MYH9: variants seen among roughly 807,000 people sequenced by gnomAD.
MYH9 encodes the protein myosin-9.
Under a neutral mutation model 241.9 loss-of-function variants are expected in MYH9, and 29 were observed. The observed-to-expected ratio is 0.12, with a 90% CI of 0.09 to 0.16. The LOEUF (loss-of-function observed/expected upper bound fraction) is 0.16. MYH9 is among the 10% of genes least tolerant of loss of function. MYH9 has a pLI of 1.00. For synonymous variants in MYH9, 1,047 were observed against 1,062.6 expected (o/e 0.99, Z 0.29); for missense variants, 1,803 against 2,595.5 (o/e 0.69, Z 6.63).
intron 12 of MYH9, among the ~76,000 whole-genome samples, chr22:36,314,598 T>C (rs1226290372): frequency 3.9e-5 from 6 of 152,216 alleles, no homozygotes; most frequent in African/African-American, 1.4e-4. Context: ...AGTAGTTATT[T>C]TGAAATATAA....
Position 36,293,634 on chromosome 22 carries a change from C to CA in MYH9, c.3942+124dup, listed in dbSNP as rs1378382229. On this transcript the variant is annotated intron_variant, in intron 29 of 40. Coordinates refer to ENST00000216181, the MANE Select transcript of MYH9 (RefSeq NM_002473.6). The surrounding 1 kb of genome is among the most constrained non-coding windows in gnomAD (Gnocchi z 5.1). Reference sequence around the variant, plus strand: ...AGGGAGCTGGGAGGACGCAGAGACCCACCCACAGGATGAAGCAGATGAAGG... The same window carrying CA: ...AGGGAGCTGGGAGGACGCAGAGACCCAACCCACAGGATGAAGCAGATGAAGG... 2.1e-5 allele frequency: 28 copies of CA among 1,337,406 alleles called. No homozygotes were observed. The East Asian group carries it at 6.5e-4, about 31-fold the overall frequency. The allele number at this position is 1,337,406 out of a possible 1,614,324, so 82.8% of individuals were successfully genotyped here.
intron 1 of MYH9, among the ~76,000 whole-genome samples, chr22:36,380,894 C>T (rs946921693): frequency 1.3e-5 from 2 of 152,150 alleles, no homozygotes; most frequent in Non-Finnish European, 1.5e-5. Context: ...TATCCCAAAA[C>T]GCTTTCCAGA....
chr22:36,300,800 C>A lies in MYH9; in HGVS notation c.2838+51G>T. The stretch of plus-strand genomic sequence containing the variant: ...CAGCTCCTGGTTCCTGCTCCTCCGC[C>A]CCGCCCTGCCCCTCCGGCGCCACCC... On this transcript the variant is annotated intron_variant, in intron 22 of 40. Coordinates refer to ENST00000216181, the MANE Select transcript of MYH9 (RefSeq NM_002473.6). The surrounding 1 kb of genome is among the most constrained non-coding windows in gnomAD (Gnocchi z 5.0). 4 of 1,592,260 alleles carry A rather than the reference C, an allele frequency of 2.5e-6. No individual in the cohort carries two copies. The highest frequency in any genetic ancestry group is 3.4e-6 in the Non-Finnish European group (4 of 1,174,772).
At position 36,329,784 on chromosome 22, in the gene MYH9, CA is replaced by C. The variant is rs1481294977; in HGVS notation, c.491-2297del. The stretch of plus-strand genomic sequence containing the variant: ...ATGCACACAGAGGCGCACGCACGCA[CA>C]AGGGCATGGACACACACATAGACAC... On this transcript the variant is annotated intron_variant, in intron 3 of 40. Transcript: ENST00000216181. The surrounding 1 kb of genome is among the most constrained non-coding windows in gnomAD (Gnocchi z 4.1). Among the ~76,000 whole-genome samples the C allele has an allele frequency of 6.6e-6, 1 of 152,192 alleles. No individual in the cohort carries two copies. The highest frequency in any genetic ancestry group is 1.9e-4 in the East Asian group (1 of 5,192).
chr22:36,378,980 A>G (rs1313305575), intron 1 of MYH9, among the ~76,000 whole-genome samples: 1 of 152,202 alleles, frequency 6.6e-6, no homozygotes, highest in Non-Finnish European at 1.5e-5. Flanking sequence ...AGGAAAAAAA[A>G]AAAGAAATGT....
intron 9 of MYH9, chr22:36,319,841 A>T (rs2017222022): frequency 4.5e-6 from 3 of 661,228 alleles, no homozygotes; most frequent in Non-Finnish European, 8.2e-6. Context: ...CTCCTGGCCG[A>T]CATGGCCTGT....
At chr22:36,364,427 C>G (rs1382490735) in intron 1 of MYH9, among the ~76,000 whole-genome samples, 1 of 152,106 alleles carries the variant, frequency 6.6e-6, no homozygotes, top group African/African-American at 2.4e-5. Context: ...TCTGCGTCAC[C>G]CACTCTTAAG....
In MYH9 at chr22:36,349,096, C is replaced by T; in HGVS notation, c.141G>A (p.Lys47=). Residue 47 remains lysine (K), a synonymous_variant, in exon 2 of 41, where the codon AAG becomes AAA. Transcript: ENST00000216181. ...CGATGGCCTCTTCGCCCACCTCCTC[C>T]TTGAGGCTGGCTGGCTCAAAGCCAC... The part of the protein sequence containing the change: ...DKSGFEPASL[K]EEVGEEAIVE... 1 of 1,614,218 alleles carries T rather than the reference C, an allele frequency of 6.2e-7. No homozygotes were observed. The highest frequency in any genetic ancestry group is 8.5e-7 in the Non-Finnish European group (1 of 1,180,004).
chr22:36,295,149 A>G lies in MYH9; in HGVS notation c.3486-73T>C. 1 of 1,606,898 alleles carries G rather than the reference A, an allele frequency of 6.2e-7. No homozygotes were observed. Among genetic ancestry groups the G allele is most frequent in the Non-Finnish European group, 8.5e-7 (1 of 1,175,374 alleles). On this transcript the variant is annotated intron_variant, in intron 26 of 40. Transcript: ENST00000216181. The surrounding 1 kb of genome is among the most constrained non-coding windows in gnomAD (Gnocchi z 4.1). ...AGGCTGTCCCTGGGGCTCTTCCCTG[A>G]CCAAAGAGAGGCCTGGCCAGGGCAC...
intron 1 of MYH9, among the ~76,000 whole-genome samples, chr22:36,369,774 G>A (rs1283127416): frequency 2.0e-5 from 3 of 152,214 alleles, no homozygotes; most frequent in Admixed American, 6.5e-5. Flanking sequence ...CAGGAGAGGC[G>A]ATGGAAGTAG....
intron 38 of MYH9, 56 bp from the exon 39 acceptor site, chr22:36,284,567 A>G: frequency 6.5e-7 from 1 of 1,539,630 alleles, no homozygotes; most frequent in Non-Finnish European, 8.9e-7. Flanking sequence ...GGGTCCGGCC[A>G]ACAAGCCCTA....
rs34849414 is a variant in MYH9, at chr22:36,285,897, C to T, written c.5118G>A (p.Leu1706=). 3.2e-5 allele frequency: 51 copies of T among 1,613,286 alleles called. 2 individuals carry two copies. The Middle Eastern group carries it at 6.6e-4, about 21-fold the overall frequency. ...KRQAQQERDE[L]ADEIANSSGK... ...CGCTGCTGTTGGCGATCTCGTCAGC[C>T]AGCTCATCCCGCTCCTGCTGGGCCT... Residue 1706 remains leucine (L), a synonymous_variant, in exon 36 of 41, where the codon CTG becomes CTA. Coordinates refer to ENST00000216181, the MANE Select transcript of MYH9 (RefSeq NM_002473.6). The surrounding 1 kb of genome is among the most constrained non-coding windows in gnomAD (Gnocchi z 7.0).
At chr22:36,319,512 A>G (rs2017215250) in intron 10 of MYH9, 28 bp downstream of exon 10, 2 of 1,609,306 alleles carry the variant, frequency 1.2e-6, no homozygotes, top group Non-Finnish European at 1.7e-6. Flanking sequence ...CTGCCCCATT[A>G]TTTCCAGCGA....
At chr22:36,369,777 G>A (rs1241929702) in intron 1 of MYH9, among the ~76,000 whole-genome samples, 2 of 152,226 alleles carry the variant, frequency 1.3e-5, no homozygotes, top group African/African-American at 2.4e-5. Flanking sequence ...GAGAGGCGAT[G>A]GAAGTAGATA....
chr22:36,384,717 G>A (rs1172677779), intron 1 of MYH9, among the ~76,000 whole-genome samples: 1 of 140,490 alleles, frequency 7.1e-6, no homozygotes, highest in South Asian at 2.3e-4. Flanking sequence ...TAACCCCACA[G>A]GGTAGGATCT....
rs747734454 is a variant in MYH9 at position 36,306,371 on chromosome 22, C to A, written c.2037+43G>T. ...AGACAGACAAGGGCTGAGCACCCCA[C>A]ACCACAGTGCCCTGCCCGGGCCACC... is the stretch of plus-strand genomic sequence containing the variant. On this transcript the variant is annotated intron_variant, in intron 16 of 40. Coordinates refer to ENST00000216181, the MANE Select transcript of MYH9 (RefSeq NM_002473.6). This position sits in a 1 kb window ranked among gnomAD's most constrained non-coding sequence, Gnocchi z 4.1. The A allele has an allele frequency of 5.6e-6, 9 of 1,610,866 alleles. No homozygotes were observed. The African/African-American group carries it at 6.7e-5, about 12-fold the overall frequency.
chr22:36,306,366 C>A lies in MYH9; in HGVS notation c.2037+48G>T. The A allele has an allele frequency of 6.2e-7, 1 of 1,608,974 alleles. No homozygotes were observed. The highest frequency in any genetic ancestry group is 8.5e-7 in the Non-Finnish European group (1 of 1,177,110). ...TGGGGAGACAGACAAGGGCTGAGCA[C>A]CCCACACCACAGTGCCCTGCCCGGG... is the stretch of plus-strand genomic sequence containing the variant. On this transcript the variant is annotated intron_variant, in intron 16 of 40. Transcript: ENST00000216181. This position sits in a 1 kb window ranked among gnomAD's most constrained non-coding sequence, Gnocchi z 4.1.
rs966622626 is a variant in MYH9 at position 36,329,996 on chromosome 22, T to C, written c.491-2508A>G. On this transcript the variant is annotated intron_variant, in intron 3 of 40. Transcript: ENST00000216181. This position sits in a 1 kb window ranked among gnomAD's most constrained non-coding sequence, Gnocchi z 4.1. ...TGCAAACACAGGCACGCAAGGCACA[T>C]GTATTCACAGGTGAATGTGAACATA... is the stretch of plus-strand genomic sequence containing the variant. Among the ~76,000 whole-genome samples, 3 of 152,202 alleles carry C rather than the reference T, an allele frequency of 2.0e-5. No homozygotes were observed. The East Asian group carries it at 5.8e-4, about 29-fold the overall frequency.
rs371839289 is a variant in MYH9 at position 36,300,117 on chromosome 22, C to A, written c.2976+10G>T. The A allele has an allele frequency of 1.8e-4, 289 of 1,609,556 alleles. No individual in the cohort carries two copies. The highest frequency in any genetic ancestry group is 2.4e-4 in the Non-Finnish European group (279 of 1,180,010). On this transcript the variant is annotated intron_variant, in intron 23 of 40. Transcript: ENST00000216181. The surrounding 1 kb of genome is among the most constrained non-coding windows in gnomAD (Gnocchi z 5.0). ...CTGGAGCAGCGGCAGGCGACAGCCA[C>A]GGGCCTCACCTTGGCCAGCTTGCAG... is the stretch of plus-strand genomic sequence containing the variant.
Sources: gnomAD v4.1 joint callset for allele counts (sites outside exome capture counted in the v4.1 genomes callset) on GRCh38, gnomAD v4.1.1 for gene constraint, Gnocchi (gnomAD v3.1) non-coding constraint, MANE v1.5 for transcripts, NCBI Gene and HGNC (gene_info 2026-07-23, HGNC 2026-07-21) for gene names.